Variants in KCTD1 observed in about 807,000 individuals in gnomAD.
KCTD1 encodes the protein BTB/POZ domain-containing protein KCTD1.
KCTD1 carries 24 observed loss-of-function variants against 66.0 expected under a neutral mutation model. The ratio of observed to expected loss-of-function variants is 0.36; its 90% confidence interval spans 0.26 to 0.51. The LOEUF (loss-of-function observed/expected upper bound fraction) is 0.51. Ranked by LOEUF, KCTD1 falls within the 20% of genes least tolerant of loss-of-function variation. The pLI, the probability that KCTD1 is intolerant of heterozygous loss-of-function variation, is 0.95. For synonymous variants in KCTD1, 511 were observed against 517.2 expected (o/e 0.99, Z 0.16); for missense variants, 943 against 1,205.2 (o/e 0.78, Z 3.22).
intron 1 of KCTD1, among the ~76,000 whole-genome samples, chr18:26,647,331 A>ACCCCCCCCCCCCCCC (rs56004377): frequency 8.6e-6 from 1 of 116,460 alleles, no homozygotes; most frequent in African/African-American, 2.9e-5. Context: ...AGATAGTGAA[A>ACCCCCCCCCCCCCCC]CCCCCCCCCC....
intron 1 of KCTD1, among the ~76,000 whole-genome samples, chr18:26,596,776 A>G (rs923904515): frequency 3.3e-5 from 5 of 152,268 alleles, no homozygotes; most frequent in African/African-American, 4.8e-5. Flanking sequence ...ACAGGTAGCC[A>G]TTGCTACTGT....
intron 1 of KCTD1, among the ~76,000 whole-genome samples, chr18:26,517,735 G>A (rs1410743549): frequency 5.9e-5 from 9 of 151,424 alleles, no homozygotes; most frequent in Admixed American, 1.3e-4. Flanking sequence ...CACGTGAGAC[G>A]TGCTTTTCAC....
intron 3 of KCTD1, among the ~76,000 whole-genome samples, chr18:26,472,569 TGA>T (rs1226529017): frequency 1.3e-5 from 2 of 152,210 alleles, no homozygotes; most frequent in Non-Finnish European, 2.9e-5. Context: ...TAGGAAAATA[TGA>T]GAGAGTAAGA....
intron 1 of KCTD1, among the ~76,000 whole-genome samples, chr18:26,526,423 T>C (rs1453196088): frequency 1.3e-5 from 2 of 152,128 alleles, no homozygotes; most frequent in Non-Finnish European, 2.9e-5. Context: ...AGCTGCAGGA[T>C]TATTTGGGGT....
At chr18:26,603,337 T>A (rs1440421961) in intron 1 of KCTD1, among the ~76,000 whole-genome samples, 1 of 149,258 alleles carries the variant, frequency 6.7e-6, no homozygotes, top group Non-Finnish European at 1.5e-5. Flanking sequence ...GAGACTGAGG[T>A]GGGAGAATCA....
chr18:26,655,540 A>G (rs2066273502), intron 1 of KCTD1, among the ~76,000 whole-genome samples: 1 of 152,168 alleles, frequency 6.6e-6, no homozygotes, highest in South Asian at 2.1e-4. Context: ...ATTTGTACCA[A>G]ATTACTCCTG....
chr18:26,527,707 G>A (rs918403070), intron 1 of KCTD1, among the ~76,000 whole-genome samples: 2 of 152,100 alleles, frequency 1.3e-5, no homozygotes, highest in African/African-American at 2.4e-5. Context: ...AATGTACCAC[G>A]CTGTTTCTAG....
chr18:26,620,348 T>TAAAAA (rs10594272), intron 1 of KCTD1, among the ~76,000 whole-genome samples: 2 of 87,214 alleles, frequency 2.3e-5, no homozygotes, highest in African/African-American at 1.1e-4. Context: ...AGGTAAATCT[T>TAAAAA]AAAAAAAAAA....
chr18:26,554,837 A>T (rs1985667679), intron 1 of KCTD1, among the ~76,000 whole-genome samples: 1 of 152,234 alleles, frequency 6.6e-6, no homozygotes, highest in Non-Finnish European at 1.5e-5. Context: ...ATCGAGCCTA[A>T]GAGTGTACCA....
intron 1 of KCTD1, among the ~76,000 whole-genome samples, chr18:26,622,787 C>T (rs1482298488): frequency 6.6e-6 from 1 of 151,920 alleles, no homozygotes; most frequent in Admixed American, 6.6e-5. Flanking sequence ...GAAGTGCATA[C>T]AGAGGCTCTG....
intron 1 of KCTD1, among the ~76,000 whole-genome samples, chr18:26,647,519 C>CAAAAAGAAAAAAAAAAAAA (rs1987951278): frequency 1.7e-5 from 1 of 57,306 alleles, no homozygotes; most frequent in Non-Finnish European, 3.2e-5. Flanking sequence ...GACTCCATCT[C>CAAAAAGAAAAAAAAAAAAA]AAAAAAAAAA....
At chr18:26,626,256 C>T (rs891389209) in intron 1 of KCTD1, among the ~76,000 whole-genome samples, 1 of 152,096 alleles carries the variant, frequency 6.6e-6, no homozygotes, top group Non-Finnish European at 1.5e-5. Flanking sequence ...TAAGCCTATG[C>T]CAGCACTGTT....
chr18:26,598,134 C>T (rs372348949), intron 1 of KCTD1, among the ~76,000 whole-genome samples: 104 of 152,338 alleles, frequency 6.8e-4, no homozygotes, highest in East Asian at 2.3e-3. Flanking sequence ...CTAGCAACCA[C>T]TAATCAATCA....
intron 1 of KCTD1, among the ~76,000 whole-genome samples, chr18:26,572,054 G>A (rs1160388504): frequency 6.7e-6 from 1 of 150,016 alleles, no homozygotes; most frequent in Non-Finnish European, 1.5e-5. Flanking sequence ...TGTTGTTGAT[G>A]TTGTTGTTGT....
Position 26,459,718 on chromosome 18 carries a change from C to T in KCTD1, c.2341G>A (p.Asp781Asn), listed in dbSNP as rs570915468. The change falls in exon 4 of 5, where the codon GAC (aspartate) becomes AAC (asparagine). Residue 781 changes from aspartate (D) to asparagine (N), a missense_variant. Physicochemically the swap from Asp to Asn is conservative, Grantham distance 23. This residue lies in a region of KCTD1 where 162 missense variants were observed against 232.4 expected (regional missense o/e 0.70). Transcript: ENST00000580059. ...GCATTGACAGAGTTACACATCACGT[C>T]GCCGATCTCTGGAAATACTTCTTCT... The part of the protein sequence containing the change: ...LIEEVFPEIG[D>N]VMCNSVNAGW... The T allele has an allele frequency of 1.9e-6, 3 of 1,614,052 alleles. No individual in the cohort carries two copies. Among genetic ancestry groups the T allele is most frequent in the East Asian group, 2.2e-5 (1 of 44,878 alleles).
chr18:26,633,306 A>G (rs1203704273), upstream of KCTD1, among the ~76,000 whole-genome samples: 3 of 152,184 alleles, frequency 2.0e-5, no homozygotes, highest in African/African-American at 7.2e-5. Context: ...TATACCATAA[A>G]CAAAAATACA....
At chr18:26,559,362 C>T (rs967990056) in intron 1 of KCTD1, among the ~76,000 whole-genome samples, 1 of 151,960 alleles carries the variant, frequency 6.6e-6, no homozygotes, top group African/African-American at 2.4e-5. Context: ...TCTCATGTAC[C>T]CCCAAAATAC....
At chr18:26,466,526 G>A (rs1024102205) in intron 3 of KCTD1, among the ~76,000 whole-genome samples, 7 of 152,276 alleles carry the variant, frequency 4.6e-5, no homozygotes, top group Middle Eastern at 3.4e-3. Context: ...CCGGGAAGGG[G>A]GTGCTACTGG....
At chr18:26,637,354 G>T (rs1273491961) in intron 1 of KCTD1, among the ~76,000 whole-genome samples, 1 of 152,216 alleles carries the variant, frequency 6.6e-6, no homozygotes, top group South Asian at 2.1e-4. Flanking sequence ...GAACCCCAGA[G>T]ACTGTGAACA....
Sources: gnomAD v4.1 joint callset for allele counts (sites outside exome capture counted in the v4.1 genomes callset) on GRCh38, gnomAD v4.1.1 for gene constraint, gnomAD v4.1.1 regional missense constraint, MANE v1.5 for transcripts, NCBI Gene and HGNC (gene_info 2026-07-23, HGNC 2026-07-21) for gene names.